OTOGL: variants seen among roughly 807,000 people sequenced by gnomAD.
OTOGL encodes the protein otogelin-like protein.
In OTOGL, 285 loss-of-function variants were observed where a neutral mutation model predicts 318.5. That is an observed-to-expected ratio of 0.89 (90% confidence interval 0.81 to 0.99). The LOEUF is 0.99. Ranked by LOEUF, OTOGL falls within the 50% of genes least tolerant of loss-of-function variation. The pLI is 0.00. For missense variants in OTOGL, 2,899 were observed against 2,845.6 expected, an observed-to-expected ratio of 1.02 and a Z score of -0.43; for synonymous variants, 987 against 936.5, an observed-to-expected ratio of 1.05 and a Z score of -0.99.
intron 26 of OTOGL, among the ~76,000 whole-genome samples, chr12:80,294,867 G>T (rs1295852327): frequency 6.6e-6 from 1 of 152,054 alleles, no homozygotes; most frequent in African/African-American, 2.4e-5. Context: ...TGAATGGCTC[G>T]CTTGAGCCCA....
chr12:80,324,143 A>C (rs1480211888), intron 35 of OTOGL, among the ~76,000 whole-genome samples: 2 of 152,224 alleles, frequency 1.3e-5, no homozygotes, highest in Non-Finnish European at 2.9e-5. Context: ...ATAATGCAAC[A>C]TATTGTTATG....
intron 2 of OTOGL, among the ~76,000 whole-genome samples, chr12:80,210,639 T>C (rs1877175961): frequency 6.6e-6 from 1 of 152,170 alleles, no homozygotes; most frequent in Admixed American, 6.6e-5. Flanking sequence ...TGTAAATCCA[T>C]GTACACTGCC....
Position 80,191,915 on chromosome 12 carries a change from A to G in OTOGL, c.-19-17498A>G, listed in dbSNP as rs539898255. On this transcript the variant is annotated intron_variant, in intron 1 of 58. Transcript: ENST00000547103. ...GAGATTTATATTTTATTGAAATATC[A>G]CTTAGAATTCTAAGCGATATTTCAT... Among the ~76,000 whole-genome samples the G allele has an allele frequency of 8.5e-5, 13 of 152,330 alleles. No individual in the cohort carries two copies. The East Asian group carries it at 1.9e-3, about 23-fold the overall frequency.
chr12:80,271,825 C>T lies in OTOGL; in HGVS notation c.2681+15C>T. On this transcript the variant is annotated intron_variant, in intron 24 of 58. Coordinates refer to ENST00000547103, the MANE Select transcript of OTOGL (RefSeq NM_001378609.3). ...TGTGCTCCAGGGTAAGCCTCTTCTTCATAATACAGAACATTCAGGATTTGC... is the reference window on the plus strand; with the variant it reads ...TGTGCTCCAGGGTAAGCCTCTTCTTTATAATACAGAACATTCAGGATTTGC... The T allele has an allele frequency of 6.2e-7, 1 of 1,604,302 alleles. No homozygotes were observed. The highest frequency in any genetic ancestry group is 1.3e-5 in the African/African-American group (1 of 74,636).
chr12:80,119,520 C>G (rs150611311), intron 1 of OTOGL, among the ~76,000 whole-genome samples: 1 of 152,104 alleles, frequency 6.6e-6, no homozygotes, highest in East Asian at 1.9e-4. Flanking sequence ...AGCAGCAGAC[C>G]GCAGGGTGCA....
At chr12:80,274,090 A>G (rs990786890) in intron 24 of OTOGL, among the ~76,000 whole-genome samples, 5 of 152,014 alleles carry the variant, frequency 3.3e-5, no homozygotes, top group African/African-American at 1.2e-4. Context: ...TAACTCTACA[A>G]TAGTCACCAA....
At chr12:80,164,910 G>A (rs1266648671) in intron 1 of OTOGL, among the ~76,000 whole-genome samples, 1 of 152,046 alleles carries the variant, frequency 6.6e-6, no homozygotes, top group Non-Finnish European at 1.5e-5. Context: ...ATTACTGATT[G>A]TGCATTAATG....
chr12:80,153,513 G>A (rs1257838074), intron 1 of OTOGL, among the ~76,000 whole-genome samples: 3 of 152,168 alleles, frequency 2.0e-5, no homozygotes, highest in African/African-American at 7.2e-5. Flanking sequence ...CCACCAGAGT[G>A]GCACATTTGT....
At chr12:80,277,835 C>T (rs1033533807) in intron 24 of OTOGL, among the ~76,000 whole-genome samples, 6 of 151,492 alleles carry the variant, frequency 4.0e-5, no homozygotes, top group East Asian at 1.9e-4. Flanking sequence ...TATTGAAGAA[C>T]GGGACTCTCA....
At chr12:80,250,901 A>G (rs1881483850) in intron 11 of OTOGL, among the ~76,000 whole-genome samples, 1 of 152,204 alleles carries the variant, frequency 6.6e-6, no homozygotes, top group African/African-American at 2.4e-5. Context: ...GAATTTTCAG[A>G]GCTCTAATAG....
intron 6 of OTOGL, among the ~76,000 whole-genome samples, chr12:80,221,823 C>A (rs1371700348): frequency 6.6e-6 from 1 of 151,792 alleles, no homozygotes; most frequent in Non-Finnish European, 1.5e-5. Flanking sequence ...TCCTTTTTTT[C>A]TTCTAGAATC....
At chr12:80,234,699 G>A (rs1057322021) in intron 9 of OTOGL, among the ~76,000 whole-genome samples, 2 of 152,112 alleles carry the variant, frequency 1.3e-5, no homozygotes, top group African/African-American at 2.4e-5. Context: ...AAATAAAAAC[G>A]TGTGAAAATG....
At chr12:80,138,639 G>T (rs1871730485) in intron 1 of OTOGL, among the ~76,000 whole-genome samples, 1 of 152,026 alleles carries the variant, frequency 6.6e-6, no homozygotes, top group Non-Finnish European at 1.5e-5. Flanking sequence ...AACACTGAAA[G>T]CCAATAGCTA....
chr12:80,377,135 A>G lies in OTOGL; in HGVS notation c.6794A>G (p.Glu2265Gly). The change falls in exon 58 of 59, where the codon GAA becomes GGA. Residue 2265 changes from glutamate (E) to glycine (G), a missense_variant. By Grantham distance (98) the Glu-to-Gly change is moderately conservative. This residue lies in a region of OTOGL where 289 missense variants were observed against 304.6 expected (regional missense o/e 0.95). Transcript: ENST00000547103. ...EGCCKICKRE[E>G]RICQKVIIKS... ...TATATTTTATCAGGCAAACGAGAAGAAAGAATATGCCAGAAAGTGATCATT... is the reference window on the plus strand; with the variant it reads ...TATATTTTATCAGGCAAACGAGAAGGAAGAATATGCCAGAAAGTGATCATT... 1 of 1,606,202 alleles carries G rather than the reference A, an allele frequency of 6.2e-7. No homozygotes were observed. The highest frequency in any genetic ancestry group is 8.5e-7 in the Non-Finnish European group (1 of 1,175,616).
At chr12:80,146,406 GC>G (rs1352517968) in intron 1 of OTOGL, among the ~76,000 whole-genome samples, 2 of 151,058 alleles carry the variant, frequency 1.3e-5, no homozygotes, top group Non-Finnish European at 2.9e-5. Flanking sequence ...CAGGGATGAA[GC>G]CCTCTTGATC....
chr12:80,360,601 C>T (rs1890184544), intron 52 of OTOGL, among the ~76,000 whole-genome samples: 1 of 151,962 alleles, frequency 6.6e-6, no homozygotes, highest in African/African-American at 2.4e-5. Context: ...CCTGCCTCAG[C>T]CTCCTGAGTA....
intron 1 of OTOGL, among the ~76,000 whole-genome samples, chr12:80,123,507 C>T (rs1870615924): frequency 2.7e-5 from 4 of 150,900 alleles, no homozygotes; most frequent in South Asian, 4.1e-4. Context: ...TGTGCATGTG[C>T]CTTTATAGCA....
chr12:80,351,205 G>A (rs1289045193), intron 44 of OTOGL, among the ~76,000 whole-genome samples: 1 of 151,754 alleles, frequency 6.6e-6, no homozygotes, highest in Admixed American at 6.6e-5. Flanking sequence ...TCAAAAATCA[G>A]TTGGCTGGCT....
chr12:80,358,719 A>G lies in OTOGL; in HGVS notation c.6170A>G (p.Asp2057Gly). The G allele has an allele frequency of 6.2e-7, 1 of 1,613,402 alleles. No homozygotes were observed. Among genetic ancestry groups the G allele is most frequent in the Non-Finnish European group, 8.5e-7 (1 of 1,179,524 alleles). ...CPMPLLNCAE[D>G]MNLVKENVSG... ...ATGCCATTACTCAACTGTGCAGAAG[A>G]TATGAATCTTGTGAAAGAAAATGTA... Residue 2057 changes from aspartate (D) to glycine (G), a missense_variant, in exon 51 of 59, where the codon GAT becomes GGT. By Grantham distance (94) the Asp-to-Gly change is moderately conservative (BLOSUM62 -1). Coordinates refer to ENST00000547103, the MANE Select transcript of OTOGL (RefSeq NM_001378609.3).
Sources: allele counts gnomAD v4.1 joint callset (sites outside exome capture counted in the v4.1 genomes callset), GRCh38; gene constraint gnomAD v4.1.1; regional missense constraint gnomAD v4.1.1; transcripts MANE v1.5; gene names NCBI Gene and HGNC (gene_info 2026-07-23, HGNC 2026-07-21).